Variants in NCOA3 observed in about 807,000 individuals in gnomAD.
NCOA3 encodes CBP-interacting protein.
Under a neutral mutation model 158.8 loss-of-function variants are expected in NCOA3, and 51 were observed. The observed-to-expected ratio is 0.32, with a 90% CI of 0.26 to 0.41. The LOEUF (loss-of-function observed/expected upper bound fraction) is 0.41. Among genes scored for constraint, NCOA3 ranks in the 10% least tolerant of loss-of-function variants. The pLI is 1.00. For synonymous variants in NCOA3, 537 were observed against 592.4 expected, an observed-to-expected ratio of 0.91 and a Z score of 1.36; for missense variants, 1,510 against 1,746.6, an observed-to-expected ratio of 0.86 and a Z score of 2.41.
At chr20:47,575,550 AT>A (rs527802903) in intron 1 of NCOA3, among the ~76,000 whole-genome samples, 3 of 152,196 alleles carry the variant, frequency 2.0e-5, no homozygotes, top group Non-Finnish European at 2.9e-5. Context: ...CACTGAAGTT[AT>A]TTTGGAACCC....
Position 47,652,523 on chromosome 20 carries a change from C to G in NCOA3, c.4064C>G (p.Ser1355Cys). The change falls in exon 21 of 23, where the codon TCC becomes TGC. Residue 1355 changes from serine to cysteine, a missense_variant. Physicochemically the swap from Ser to Cys is moderately radical, Grantham distance 112. Coordinates refer to ENST00000371998, the MANE Select transcript of NCOA3 (RefSeq NM_181659.3). ...NPMMQHPQAA[S>C]IYQSSEMKGW... ...ATGATGCAACACCCGCAGGCTGCAT[C>G]CATCTATCAGTCCTCAGAAATGAAG... 6.2e-7 allele frequency: 1 copy of G among 1,614,060 alleles called. No individual in the cohort carries two copies. Among genetic ancestry groups the G allele is most frequent in the Non-Finnish European group, 8.5e-7 (1 of 1,179,898 alleles).
At chr20:47,538,433 T>C (rs557239164) in intron 1 of NCOA3, among the ~76,000 whole-genome samples, 7 of 152,318 alleles carry the variant, frequency 4.6e-5, no homozygotes, top group African/African-American at 9.6e-5. Context: ...GTAACTGCAA[T>C]TGGAAGAGCT....
At chr20:47,601,774 A>C (rs1288189913) in intron 2 of NCOA3, among the ~76,000 whole-genome samples, 1 of 152,220 alleles carries the variant, frequency 6.6e-6, no homozygotes. Context: ...CTCAAATAGA[A>C]TTTGCTTATG....
intron 1 of NCOA3, among the ~76,000 whole-genome samples, chr20:47,525,253 A>G (rs1169928439): frequency 6.6e-6 from 1 of 151,610 alleles, no homozygotes; most frequent in East Asian, 1.9e-4. Flanking sequence ...GTTGGGGGTA[A>G]GGTCACCGAT....
chr20:47,511,410 A>ATT lies in NCOA3; in HGVS notation c.-99+9412_-99+9413dup, dbSNP rs35591258. 5.0e-4 allele frequency among the ~76,000 whole-genome samples: 43 copies of ATT among 86,394 alleles called. 1 individual carries two copies. Among genetic ancestry groups the ATT allele is most frequent in the Admixed American group, 1.2e-3 (9 of 7,438 alleles). The allele number at this position is 86,394 out of a possible 152,430, so 56.7% of individuals were successfully genotyped here. ...CTACACGTGTCCACCACCATGCCTAATTTTTTTTTTTTTTTTTTTTTTGAG... is the reference window on the plus strand; with the variant it reads ...CTACACGTGTCCACCACCATGCCTAATTTTTTTTTTTTTTTTTTTTTTTTGAG... On this transcript the variant is annotated intron_variant, in intron 1 of 22. Transcript: ENST00000371998.
Position 47,649,934 on chromosome 20 carries a change from C to G in NCOA3, c.3651+825C>G, listed in dbSNP as rs186881929. Among the ~76,000 whole-genome samples, 4 of 151,898 alleles carry G rather than the reference C, an allele frequency of 2.6e-5. No individual in the cohort carries two copies. The East Asian group carries it at 7.8e-4, about 30-fold the overall frequency. On this transcript the variant is annotated intron_variant, in intron 19 of 22. Coordinates refer to ENST00000371998, the MANE Select transcript of NCOA3 (RefSeq NM_181659.3). Reference sequence around the variant, plus strand: ...CAGATAGCTTCTGCTTGCCCCTTACCTCTTTCTGAAAGTTTAAAGAAAGTT... The same window carrying G: ...CAGATAGCTTCTGCTTGCCCCTTACGTCTTTCTGAAAGTTTAAAGAAAGTT...
chr20:47,586,100 G>A (rs1029719894), intron 2 of NCOA3, among the ~76,000 whole-genome samples: 1 of 151,948 alleles, frequency 6.6e-6, no homozygotes, highest in Non-Finnish European at 1.5e-5. Flanking sequence ...TGTATTTTTA[G>A]TAGAGACGGG....
chr20:47,618,650 G>A (rs542184427), intron 2 of NCOA3, among the ~76,000 whole-genome samples: 38 of 152,184 alleles, frequency 2.5e-4, no homozygotes, highest in Non-Finnish European at 2.1e-4. Context: ...CACCACACCC[G>A]GCCTTCCCTT....
At chr20:47,545,603 A>G (rs1242461791) in intron 1 of NCOA3, among the ~76,000 whole-genome samples, 3 of 148,698 alleles carry the variant, frequency 2.0e-5, no homozygotes, top group Non-Finnish European at 4.5e-5. Context: ...GTTTTTCTCA[A>G]TATCATGAAG....
Position 47,651,109 on chromosome 20 carries a change from AG to A in NCOA3, c.3780del (p.Gln1260HisfsTer27). ...CAGCAGCAACAGCAGCAGCAGCAGC[AG>A]CAGCAGCAGCAACAGCAACAGCAAC... ...QQQQQQQQQQ[Q>X]QQQQQQQQQQ... is the part of the protein sequence containing the mutation. On this transcript the variant is annotated frameshift_variant, in exon 20 of 23. Coordinates refer to ENST00000371998, the MANE Select transcript of NCOA3 (RefSeq NM_181659.3). LOFTEE classifies it high-confidence loss of function. 3 of 1,609,132 alleles carry A rather than the reference AG, an allele frequency of 1.9e-6. No homozygotes were observed. The highest frequency in any genetic ancestry group is 4.5e-5 in the East Asian group (2 of 44,808).
intron 1 of NCOA3, among the ~76,000 whole-genome samples, chr20:47,517,445 CTTTTTCTTTTTTTTTTTTT>C (rs1257539986): frequency 1.4e-5 from 2 of 142,194 alleles, no homozygotes; most frequent in African/African-American, 5.6e-5. Flanking sequence ...TTTCTTTTTT[CTTTTTCTTTTTTTTTTTTT>C]TTTTGAGAAG....
intron 1 of NCOA3, among the ~76,000 whole-genome samples, chr20:47,549,217 A>G (rs1051292557): frequency 6.6e-6 from 1 of 151,888 alleles, no homozygotes; most frequent in Non-Finnish European, 1.5e-5. Context: ...ACATGTATTA[A>G]CTTTGTAATA....
At chr20:47,542,157 A>G (rs1472952744) in intron 1 of NCOA3, among the ~76,000 whole-genome samples, 1 of 151,392 alleles carries the variant, frequency 6.6e-6, no homozygotes, top group African/African-American at 2.4e-5. Flanking sequence ...CAGCCTCCCA[A>G]GTAGCTGGGA....
At chr20:47,506,774 T>A (rs2084037440) in intron 1 of NCOA3, among the ~76,000 whole-genome samples, 1 of 152,224 alleles carries the variant, frequency 6.6e-6, no homozygotes. Context: ...GTGTCTTTTT[T>A]TTTAAATTTT....
chr20:47,627,604 C>T lies in NCOA3; in HGVS notation c.576C>T (p.Ser192=), dbSNP rs748675656. The change falls in exon 7 of 23, where the codon AGC becomes AGT. Residue 192 remains serine, a synonymous_variant. Transcript: ENST00000371998. ...SWTNETQRQK[S]HTFNCRMLMK... Reference sequence around the variant, plus strand: ...CAAATGAGACCCAAAGACAAAAAAGCCATACATTTAATTGCCGTATGTTGA... The same window carrying T: ...CAAATGAGACCCAAAGACAAAAAAGTCATACATTTAATTGCCGTATGTTGA... The T allele has an allele frequency of 2.5e-6, 4 of 1,613,380 alleles. No individual in the cohort carries two copies. The highest frequency in any genetic ancestry group is 2.5e-6 in the Non-Finnish European group (3 of 1,179,822).
chr20:47,509,206 A>G (rs1415966170), intron 1 of NCOA3, among the ~76,000 whole-genome samples: 1 of 150,988 alleles, frequency 6.6e-6, no homozygotes, highest in Non-Finnish European at 1.5e-5. Flanking sequence ...CTGGGCAACA[A>G]AGTAAGATCC....
intron 1 of NCOA3, among the ~76,000 whole-genome samples, chr20:47,560,634 C>G (rs2085084638): frequency 6.6e-6 from 1 of 152,062 alleles, no homozygotes; most frequent in South Asian, 2.1e-4. Context: ...ATTAGCAGTC[C>G]TGTAATAACA....
chr20:47,627,617 T>C lies in NCOA3; in HGVS notation c.589T>C (p.Cys197Arg). ...TQRQKSHTFNCRMLMKTPHDI... is the reference protein window; with the variant it reads ...TQRQKSHTFNRRMLMKTPHDI... ...AAGACAAAAAAGCCATACATTTAATTGCCGTATGTTGATGAAAACACCACA... is the reference window on the plus strand; with the variant it reads ...AAGACAAAAAAGCCATACATTTAATCGCCGTATGTTGATGAAAACACCACA... Residue 197 changes from cysteine (C) to arginine (R), a missense_variant, in exon 7 of 23, where the codon TGC (cysteine) becomes CGC (arginine). By Grantham distance (180) the Cys-to-Arg change is radical (BLOSUM62 -3). Transcript: ENST00000371998. 6.2e-7 allele frequency: 1 copy of C among 1,613,838 alleles called. No homozygotes were observed. Among genetic ancestry groups the C allele is most frequent in the Non-Finnish European group, 8.5e-7 (1 of 1,179,884 alleles).
At chr20:47,558,820 C>CTTTTTTTTTTTT (rs56997127) in intron 1 of NCOA3, among the ~76,000 whole-genome samples, 1 of 114,508 alleles carries the variant, frequency 8.7e-6, no homozygotes, top group Non-Finnish European at 1.8e-5. Context: ...ACTTTTTTCA[C>CTTTTTTTTTTTT]TTTTTTTTTT....
Sources: allele counts gnomAD v4.1 joint callset (sites outside exome capture counted in the v4.1 genomes callset), GRCh38; gene constraint gnomAD v4.1.1; transcripts MANE v1.5; gene names NCBI Gene and HGNC (gene_info 2026-07-23, HGNC 2026-07-21).